The following TSPEAR variants were observed in gnomAD, a reference collection of about 807,000 sequenced individuals.
TSPEAR encodes the protein thrombospondin type laminin G domain and EAR repeats, also known as thrombospondin-type laminin G domain and EAR repeat-containing protein.
TSPEAR carries 69 observed loss-of-function variants against 71.6 expected under a neutral mutation model. The ratio of observed to expected loss-of-function variants is 0.96; its 90% CI spans 0.79 to 1.18. The LOEUF is 1.18. TSPEAR is among the 50% of genes most tolerant of loss of function. TSPEAR has a pLI of 0.00. For missense variants in TSPEAR, 971 were observed against 894.9 expected (o/e 1.09, Z -1.09); for synonymous variants, 402 against 387.2 (o/e 1.04, Z -0.45).
chr21:44,669,590 G>A (rs1555945505), intron 1 of TSPEAR, among the ~76,000 whole-genome samples: 1 of 152,134 alleles, frequency 6.6e-6, no homozygotes, highest in Admixed American at 6.5e-5. Context: ...TATGGACTAA[G>A]GAGCCTGGAG....
intron 1 of TSPEAR, among the ~76,000 whole-genome samples, chr21:44,622,926 G>A (rs1197474236): frequency 1.3e-5 from 2 of 152,152 alleles, no homozygotes; most frequent in East Asian, 1.9e-4. Context: ...GTGATAGTGA[G>A]GGAGTTCTGG....
intron 1 of TSPEAR, among the ~76,000 whole-genome samples, chr21:44,640,470 G>A (rs1243282978): frequency 2.6e-5 from 4 of 152,230 alleles, no homozygotes; most frequent in African/African-American, 9.6e-5. Flanking sequence ...TGATGGCTGA[G>A]AAACACTGGG....
intron 2 of TSPEAR, among the ~76,000 whole-genome samples, chr21:44,557,089 A>G (rs73379279): frequency 6.6e-6 from 1 of 152,300 alleles, no homozygotes; most frequent in African/African-American, 2.4e-5. Flanking sequence ...AGTGGCCAGA[A>G]TGAGGTTTTG....
intron 1 of TSPEAR, among the ~76,000 whole-genome samples, chr21:44,614,404 A>T (rs1981935040): frequency 1.3e-5 from 2 of 152,228 alleles, no homozygotes; most frequent in South Asian, 4.1e-4. Context: ...CACCGTCCCC[A>T]GGGGGCTGTC....
chr21:44,612,666 A>G lies in TSPEAR; in HGVS notation c.83-44661T>C. On this transcript the variant is annotated intron_variant, in intron 1 of 11. Coordinates refer to ENST00000323084, the MANE Select transcript of TSPEAR (RefSeq NM_144991.3). This position sits in a 1 kb window ranked among gnomAD's most constrained non-coding sequence, Gnocchi z 4.1. ...TCTGGGGCTTCCTCTCTGTGCTGCC[A>G]GAAGTCTAGCTGCCAGCCGGCTTGC... is the stretch of plus-strand genomic sequence containing the variant. 6.2e-7 allele frequency: 1 copy of G among 1,613,902 alleles called. No homozygotes were observed. Among genetic ancestry groups the G allele is most frequent in the Non-Finnish European group, 8.5e-7 (1 of 1,179,966 alleles).
rs782042888 is a variant in TSPEAR, at chr21:44,601,193, G to C, written c.83-33188C>G. 1.3e-4 allele frequency: 205 copies of C among 1,601,146 alleles called. 2 individuals are homozygous for C. In the South Asian group the frequency reaches 2.3e-3, roughly 18 times the overall value. On this transcript the variant is annotated intron_variant, in intron 1 of 11. Coordinates refer to ENST00000323084, the MANE Select transcript of TSPEAR (RefSeq NM_144991.3). Reference sequence around the variant, plus strand: ...TCCAGTCCCTGCTGCCAGGCGGTCTGTGAGCCCAGCCCCTGCCAATCAGGC... The same window carrying C: ...TCCAGTCCCTGCTGCCAGGCGGTCTCTGAGCCCAGCCCCTGCCAATCAGGC...
chr21:44,638,030 C>T, intron 1 of TSPEAR: 1 of 1,613,402 alleles, frequency 6.2e-7, no homozygotes, highest in Non-Finnish European at 8.5e-7. Context: ...CTGCTGCGTG[C>T]CCGTCCCCTC....
At chr21:44,643,571 A>G (rs117137417) in intron 1 of TSPEAR, among the ~76,000 whole-genome samples, 3,151 of 152,232 alleles carry the variant, frequency 0.021, 73 homozygotes, top group Non-Finnish European at 0.026. Context: ...AAAGCTGGGG[A>G]AAAAGGGATA....
intron 1 of TSPEAR, among the ~76,000 whole-genome samples, chr21:44,589,031 A>G (rs1979560502): frequency 6.6e-6 from 1 of 152,122 alleles, no homozygotes; most frequent in Non-Finnish European, 1.5e-5. Context: ...ATGGATAAAA[A>G]ACTACAAATA....
intron 1 of TSPEAR, among the ~76,000 whole-genome samples, chr21:44,665,585 T>C (rs1555944479): frequency 6.6e-6 from 1 of 152,198 alleles, no homozygotes; most frequent in African/African-American, 2.4e-5. Context: ...CTCAACTCTA[T>C]TTTTTCTAGA....
At chr21:44,629,207 C>T (rs1408490221) in intron 1 of TSPEAR, among the ~76,000 whole-genome samples, 1 of 152,208 alleles carries the variant, frequency 6.6e-6, no homozygotes, top group Admixed American at 6.5e-5. Context: ...GGGGCCTCGG[C>T]CATACCCTGT....
chr21:44,700,897 G>C (rs1475181142), intron 1 of TSPEAR, among the ~76,000 whole-genome samples: 2 of 152,144 alleles, frequency 1.3e-5, no homozygotes, highest in African/African-American at 4.8e-5. Flanking sequence ...TTGCAGAAAA[G>C]GAAACCGCAG....
At chr21:44,565,048 CA>C (rs1250102541) in intron 2 of TSPEAR, among the ~76,000 whole-genome samples, 2 of 151,648 alleles carry the variant, frequency 1.3e-5, no homozygotes, top group Non-Finnish European at 2.9e-5. Context: ...ACAAACAAGT[CA>C]AAAAAGAAAC....
At position 44,499,681 on chromosome 21, in the gene TSPEAR, A is replaced by T; in HGVS notation, c.*102T>A. ...ACCCTGCCTGATGCCCAGGCCCGGGATGCCCTAGGCTGGGCCCACCTGGAC... is the reference window on the plus strand; with the variant it reads ...ACCCTGCCTGATGCCCAGGCCCGGGTTGCCCTAGGCTGGGCCCACCTGGAC... On this transcript the variant is annotated 3_prime_UTR_variant, in exon 12 of 12. Transcript: ENST00000323084. 1 of 1,270,128 alleles carries T rather than the reference A, an allele frequency of 7.9e-7. No individual in the cohort carries two copies. Among genetic ancestry groups the T allele is most frequent in the East Asian group, 2.8e-5 (1 of 35,128 alleles). The allele number at this position is 1,270,128 out of a possible 1,614,324, so 78.7% of individuals were successfully genotyped here. A position where few individuals can be genotyped will look rare whatever the true frequency, so the allele number is the denominator to read the frequency against.
Position 44,499,973 on chromosome 21 carries a change from C to T in TSPEAR, c.1857-37G>A, listed in dbSNP as rs2051997096. 2.6e-6 allele frequency: 4 copies of T among 1,562,992 alleles called. No individual in the cohort carries two copies. In the South Asian group the frequency reaches 3.5e-5, roughly 14 times the overall value. On this transcript the variant is annotated intron_variant, in intron 11 of 11. Transcript: ENST00000323084. ...ACAGCGGCAGCCGGGTCAGCCTGGGCTCTGCGGGGCAGCTCCTCTCCCCCG... is the reference window on the plus strand; with the variant it reads ...ACAGCGGCAGCCGGGTCAGCCTGGGTTCTGCGGGGCAGCTCCTCTCCCCCG...
At chr21:44,626,944 G>A (rs1006218280) in intron 1 of TSPEAR, among the ~76,000 whole-genome samples, 5 of 152,214 alleles carry the variant, frequency 3.3e-5, no homozygotes, top group Non-Finnish European at 7.4e-5. Context: ...AGGTGTGACA[G>A]GAGATTTGTG....
At chr21:44,538,348 C>T (rs2053128761) in intron 2 of TSPEAR, among the ~76,000 whole-genome samples, 1 of 151,810 alleles carries the variant, frequency 6.6e-6, no homozygotes, top group African/African-American at 2.4e-5. Flanking sequence ...GAGAGTGTCG[C>T]TGACTGTGTG....
chr21:44,564,296 T>C (rs1296861322), intron 2 of TSPEAR, among the ~76,000 whole-genome samples: 1 of 152,138 alleles, frequency 6.6e-6, no homozygotes, highest in Non-Finnish European at 1.5e-5. Context: ...AATAACAACA[T>C]TAAATGTAAA....
intron 10 of TSPEAR, among the ~76,000 whole-genome samples, chr21:44,507,817 A>G (rs1215079297): frequency 2.0e-5 from 3 of 152,134 alleles, no homozygotes; most frequent in Non-Finnish European, 4.4e-5. Context: ...CGTGCTGGGG[A>G]CACACAACTG....
Sources: allele counts gnomAD v4.1 joint callset (sites outside exome capture counted in the v4.1 genomes callset), GRCh38; gene constraint gnomAD v4.1.1; non-coding constraint Gnocchi (gnomAD v3.1); transcripts MANE v1.5; gene names NCBI Gene and HGNC (gene_info 2026-07-23, HGNC 2026-07-21).